MERTK: variants seen among roughly 807,000 people sequenced by gnomAD.
MERTK encodes the protein MER proto-oncogene, tyrosine kinase, also known as tyrosine-protein kinase Mer.
A neutral mutation model predicts 99.3 loss-of-function variants in MERTK; 69 were observed. That is an observed-to-expected ratio of 0.70 (90% CI 0.57 to 0.85). The LOEUF (loss-of-function observed/expected upper bound fraction) is 0.85. MERTK is among the 40% of genes least tolerant of loss of function. MERTK has a pLI of 0.00. For synonymous variants in MERTK, 426 were observed against 467.6 expected (o/e 0.91, Z 1.15); for missense variants, 1,125 against 1,249.4 (o/e 0.90, Z 1.50).
At chr2:111,963,117 G>A (rs533239690) in intron 4 of MERTK, among the ~76,000 whole-genome samples, 1 of 152,292 alleles carries the variant, frequency 6.6e-6, no homozygotes, top group African/African-American at 2.4e-5. Flanking sequence ...AAAGGTCTCT[G>A]CAACATAGAC....
intron 18 of MERTK, among the ~76,000 whole-genome samples, chr2:112,023,727 T>C (rs1677404702): frequency 6.6e-6 from 1 of 152,218 alleles, no homozygotes; most frequent in Admixed American, 6.5e-5. Context: ...ACCTTCCTAA[T>C]GGGGAGTCTC....
intron 13 of MERTK, among the ~76,000 whole-genome samples, chr2:112,007,248 G>A (rs969888466): frequency 6.6e-6 from 1 of 152,102 alleles, no homozygotes; most frequent in African/African-American, 2.4e-5. Context: ...TCCGCCTCCC[G>A]GATTCAGGCC....
chr2:111,911,689 C>CTTTTT (rs34867670), intron 1 of MERTK, among the ~76,000 whole-genome samples: 3 of 57,700 alleles, frequency 5.2e-5, no homozygotes, highest in African/African-American at 1.6e-4. Flanking sequence ...AGCGCCCAGC[C>CTTTTT]TTTTTTTTTT....
At chr2:111,951,243 T>C (rs534831036) in intron 4 of MERTK, among the ~76,000 whole-genome samples, 1 of 152,128 alleles carries the variant, frequency 6.6e-6, no homozygotes, top group East Asian at 1.9e-4. Flanking sequence ...TTTTGTTAAC[T>C]GTGCTGTACA....
chr2:111,933,174 G>A (rs1684704785), intron 2 of MERTK, among the ~76,000 whole-genome samples: 1 of 152,120 alleles, frequency 6.6e-6, no homozygotes, highest in East Asian at 1.9e-4. Flanking sequence ...TGTTTTTTAG[G>A]TGAGGACACT....
rs1676769481 is a variant in MERTK at position 111,997,368 on chromosome 2, C to T, written c.1496C>T (p.Ala499Val). Residue 499 changes from alanine to valine, a missense_variant, in exon 10 of 19, where the codon GCA becomes GTA. Coordinates refer to ENST00000295408, the MANE Select transcript of MERTK (RefSeq NM_006343.3). ...APSSTPAPGN[A>V]DPVLIIFGCF... ...TCTTCAACTCCGGCGCCTGGCAACG[C>T]AGATCCTGTGCTCATCATCTTTGGC... 4 of 1,614,170 alleles carry T rather than the reference C, an allele frequency of 2.5e-6. No individual in the cohort carries two copies. Among genetic ancestry groups the T allele is most frequent in the Non-Finnish European group, 3.4e-6 (4 of 1,180,010 alleles).
intron 18 of MERTK, among the ~76,000 whole-genome samples, chr2:112,027,566 T>C (rs1677493054): frequency 6.6e-6 from 1 of 152,026 alleles, no homozygotes; most frequent in South Asian, 2.1e-4. Context: ...AGTTGCCCTC[T>C]ATAAAACAAA....
Position 111,929,336 on chromosome 2 carries a change from C to T in MERTK, c.278C>T (p.Pro93Leu), listed in dbSNP as rs749418505. 1.2e-6 allele frequency: 2 copies of T among 1,614,206 alleles called. No homozygotes were observed. Among genetic ancestry groups the T allele is most frequent in the South Asian group, 1.1e-5 (1 of 91,082 alleles). Residue 93 changes from proline (P) to leucine (L), a missense_variant, in exon 2 of 19, where the codon CCT (proline) becomes CTT (leucine). Physicochemically the swap from Pro to Leu is moderately conservative, Grantham distance 98. Coordinates refer to ENST00000295408, the MANE Select transcript of MERTK (RefSeq NM_006343.3). ...TCTGTCGAATCAAAGCCCCTACCGC[C>T]TCTTGCCTTCAAACACACAGTTGGA... ...VTSVESKPLP[P>L]LAFKHTVGHI...
chr2:111,980,227 A>G (rs1186567364), intron 7 of MERTK, among the ~76,000 whole-genome samples: 1 of 152,108 alleles, frequency 6.6e-6, no homozygotes, highest in Non-Finnish European at 1.5e-5. Context: ...TATTTAGTAT[A>G]TAAACTTTCA....
In MERTK at chr2:111,975,345, C is replaced by G. The variant is rs1447066451; in HGVS notation, c.1017C>G (p.Ala339=). The change falls in exon 7 of 19, where the codon GCC becomes GCG. Residue 339 remains alanine (A), a synonymous_variant. Transcript: ENST00000295408. ...NGSVMIFNTS[A]LPHLYQIKQL... ...CAGTCATGATTTTTAACACCTCTGCCTTACCACATCTGTACCAAATCAAGC... is the reference window on the plus strand; with the variant it reads ...CAGTCATGATTTTTAACACCTCTGCGTTACCACATCTGTACCAAATCAAGC... 1 of 1,614,068 alleles carries G rather than the reference C, an allele frequency of 6.2e-7. No homozygotes were observed. The highest frequency in any genetic ancestry group is 1.3e-5 in the African/African-American group (1 of 74,906).
rs575918416 is a variant in MERTK at position 111,907,346 on chromosome 2, G to A, written c.61+8550G>A. 1.6e-4 allele frequency among the ~76,000 whole-genome samples: 25 copies of A among 152,224 alleles called. No individual in the cohort carries two copies. In the East Asian group the frequency reaches 4.2e-3, roughly 26 times the overall value. On this transcript the variant is annotated intron_variant, in intron 1 of 18. Transcript: ENST00000295408. ...GAAGAATCACTTGAACCCAGGAGGC[G>A]GAGGTTGCAGTGAGCCGAGATTGTG...
chr2:111,900,829 G>T (rs1237505773), intron 1 of MERTK, among the ~76,000 whole-genome samples: 1 of 152,128 alleles, frequency 6.6e-6, no homozygotes, highest in African/African-American at 2.4e-5. Flanking sequence ...GCTGTATGAA[G>T]AAATTAAACA....
chr2:111,909,203 C>A (rs1411888852), intron 1 of MERTK, among the ~76,000 whole-genome samples: 1 of 151,992 alleles, frequency 6.6e-6, no homozygotes, highest in East Asian at 1.9e-4. Flanking sequence ...ACTATTGTGG[C>A]AGGCCAGGTC....
Position 112,029,128 on chromosome 2 carries a change from A to G in MERTK, c.*264A>G. On this transcript the variant is annotated 3_prime_UTR_variant, in exon 19 of 19. Transcript: ENST00000295408. Reference sequence around the variant, plus strand: ...TTATTTCATTTCACTTATCTTGCATATCTTAAAATTAAGCTTCAGCTGCTC... The same window carrying G: ...TTATTTCATTTCACTTATCTTGCATGTCTTAAAATTAAGCTTCAGCTGCTC... 8.8e-7 allele frequency: 1 copy of G among 1,133,048 alleles called. No homozygotes were observed. Among genetic ancestry groups the G allele is most frequent in the Admixed American group, 4.2e-5 (1 of 23,858 alleles). The allele number at this position is 1,133,048 out of a possible 1,614,324, so 70.2% of individuals were successfully genotyped here. A position where few individuals can be genotyped will look rare whatever the true frequency, so the allele number is the denominator to read the frequency against.
chr2:111,937,160 T>TG (rs1256064362), intron 2 of MERTK, among the ~76,000 whole-genome samples: 5 of 152,072 alleles, frequency 3.3e-5, no homozygotes, highest in Admixed American at 1.3e-4. Flanking sequence ...AATGTTAAGT[T>TG]GGGGCCAGGC....
intron 1 of MERTK, among the ~76,000 whole-genome samples, chr2:111,923,135 C>T (rs1356966749): frequency 2.0e-5 from 3 of 152,222 alleles, no homozygotes; most frequent in Non-Finnish European, 2.9e-5. Context: ...TAAATGTTTG[C>T]TGCATGTGAC....
intron 18 of MERTK, among the ~76,000 whole-genome samples, chr2:112,026,639 C>T (rs1185789380): frequency 2.0e-5 from 3 of 152,196 alleles, no homozygotes; most frequent in Admixed American, 6.5e-5. Context: ...CAGGGAAATG[C>T]GCCGTGCCGT....
chr2:111,994,805 GA>G (rs888871172), intron 9 of MERTK: 19 of 299,202 alleles, frequency 6.4e-5, no homozygotes, highest in East Asian at 1.7e-4. Flanking sequence ...AAAAAGAAGG[GA>G]AAAATAAGAA....
At chr2:111,961,423 G>C (rs1685249217) in intron 4 of MERTK, among the ~76,000 whole-genome samples, 1 of 151,938 alleles carries the variant, frequency 6.6e-6, no homozygotes, top group Non-Finnish European at 1.5e-5. Flanking sequence ...CCAAAGTGCT[G>C]GGATTACAGG....
Sources: allele counts gnomAD v4.1 joint callset (sites outside exome capture counted in the v4.1 genomes callset), GRCh38; gene constraint gnomAD v4.1.1; transcripts MANE v1.5; gene names NCBI Gene and HGNC (gene_info 2026-07-23, HGNC 2026-07-21).